Variants in WDR62 observed in about 807,000 individuals in gnomAD.
WDR62 encodes the protein WD repeat domain 62.
A neutral mutation model predicts 160.6 loss-of-function variants in WDR62; 112 were observed. The observed-to-expected ratio is 0.70, with a 90% CI of 0.60 to 0.82. The LOEUF is 0.82. Among genes scored for constraint, WDR62 ranks in the 40% least tolerant of loss-of-function variants. The pLI is 0.00. For missense variants in WDR62, 1,819 were observed against 1,983.8 expected (o/e 0.92, Z 1.58); for synonymous variants, 792 against 815.1 (o/e 0.97, Z 0.48).
rs17777328 is a variant in WDR62 at position 36,100,529 on chromosome 19, G to C, written c.2740-219G>C. 0.13 allele frequency among the ~76,000 whole-genome samples: 19,749 copies of C among 152,238 alleles called. 1,598 individuals are homozygous for C. Among genetic ancestry groups the C allele is most frequent in the East Asian group, 0.3 (1,531 of 5,182 alleles). Reference sequence around the variant, plus strand: ...TGAACTTGATATAAATAGACACGTAGAGGGTTGGGCCTCCTATTTTTGGTG... The same window carrying C: ...TGAACTTGATATAAATAGACACGTACAGGGTTGGGCCTCCTATTTTTGGTG... On this transcript the variant is annotated intron_variant, in intron 22 of 31. Coordinates refer to ENST00000401500, the MANE Select transcript of WDR62 (RefSeq NM_001083961.2).
At chr19:36,079,356 G>A (rs950129374) in intron 9 of WDR62, among the ~76,000 whole-genome samples, 2 of 152,202 alleles carry the variant, frequency 1.3e-5, no homozygotes, top group African/African-American at 4.8e-5. Flanking sequence ...TGGGATTGCA[G>A]GCTTCTGTTA....
chr19:36,074,031 G>A (rs756521996), intron 9 of WDR62: 17 of 321,576 alleles, frequency 5.3e-5, no homozygotes, highest in Middle Eastern at 1.1e-3. Context: ...GGGCATGGTG[G>A]CTCACACCTG....
Position 36,058,781 on chromosome 19 carries a change from T to C in WDR62, c.179T>C (p.Val60Ala), listed in dbSNP as rs1188945200. 2 of 1,613,998 alleles carry C rather than the reference T, an allele frequency of 1.2e-6. No individual in the cohort carries two copies. Among genetic ancestry groups the C allele is most frequent in the Non-Finnish European group, 1.7e-6 (2 of 1,179,906 alleles). Reference protein sequence around the residue: ...TASEETVQNRVSLEKVLGITA... With the variant: ...TASEETVQNRASLEKVLGITA... ...CTGACTTGGGCTTTTTCTTTGCAGG[T>C]GTCACTCGAGAAGGTGCTTGGCATC... Residue 60 changes from valine to alanine, a missense_variant and splice_region_variant, in exon 2 of 32, where the codon GTG (valine) becomes GCG (alanine). Physicochemically the swap from Val to Ala is moderately conservative, Grantham distance 64. Around this residue, in one of 3 missense-constraint regions of WDR62, gnomAD observed 115 missense variants for 92.4 expected, o/e 1.24. Coordinates refer to ENST00000401500, the MANE Select transcript of WDR62 (RefSeq NM_001083961.2).
chr19:36,066,103 T>C, intron 4 of WDR62, 88 bp downstream of exon 4: 1 of 1,573,756 alleles, frequency 6.4e-7, no homozygotes, highest in South Asian at 1.1e-5. Flanking sequence ...TGGGAGTCCC[T>C]GGAATAGCTC....
intron 19 of WDR62, 93 bp downstream of exon 19, chr19:36,092,904 C>T (rs1008506596): frequency 6.3e-7 from 1 of 1,589,702 alleles, no homozygotes. Flanking sequence ...CCAAGACAGC[C>T]CTAGGCCCTG....
Position 36,099,625 on chromosome 19 carries a change from C to G in WDR62, c.2739+8C>G. The G allele has an allele frequency of 1.2e-5, 19 of 1,613,856 alleles. No homozygotes were observed. The highest frequency in any genetic ancestry group is 1.6e-5 in the Non-Finnish European group (19 of 1,179,936). On this transcript the variant is annotated splice_region_variant and intron_variant, in intron 22 of 31. Transcript: ENST00000401500. ...GCCAGCCTGCTGAGTGAGGTACACACTTCCACCGCAGCCTGGCCCATAGCC... is the reference window on the plus strand; with the variant it reads ...GCCAGCCTGCTGAGTGAGGTACACAGTTCCACCGCAGCCTGGCCCATAGCC...
chr19:36,087,335 T>C (rs1206987861), intron 13 of WDR62, among the ~76,000 whole-genome samples: 1 of 151,420 alleles, frequency 6.6e-6, no homozygotes, highest in Non-Finnish European at 1.5e-5. Flanking sequence ...TGAAACCCCA[T>C]CTCTACTAAA....
At chr19:36,106,394 C>T (rs1973713690), downstream of WDR62, among the ~76,000 whole-genome samples, 1 of 151,448 alleles carries the variant, frequency 6.6e-6, no homozygotes. Context: ...CCTGCCAGTT[C>T]CCACCCAGGT....
chr19:36,067,197 A>G, intron 5 of WDR62, 109 bp from the exon 6 acceptor site: 1 of 1,481,424 alleles, frequency 6.8e-7, no homozygotes, highest in South Asian at 1.1e-5. Flanking sequence ...GGTCCCAGGA[A>G]GACAGACTTG....
intron 9 of WDR62, among the ~76,000 whole-genome samples, chr19:36,078,218 G>A (rs139350054): frequency 4.0e-5 from 6 of 150,468 alleles, no homozygotes; most frequent in Admixed American, 6.6e-5. Context: ...TATGATCTCC[G>A]CTCACTGCAA....
intron 6 of WDR62, 74 bp downstream of exon 6, chr19:36,067,517 C>T: frequency 1.2e-6 from 2 of 1,603,532 alleles, no homozygotes; most frequent in East Asian, 2.2e-5. Context: ...TCTCCTGTTT[C>T]TCCCTGAGAT....
chr19:36,111,032 G>A, the WDR62 span: 4 of 629,282 alleles, frequency 6.4e-6, no homozygotes, highest in Non-Finnish European at 1.1e-5. Context: ...CCCAGGCAGG[G>A]GTAACCTGAG....
At chr19:36,080,276 T>C (rs1172154506) in intron 9 of WDR62, among the ~76,000 whole-genome samples, 1 of 148,310 alleles carries the variant, frequency 6.7e-6, no homozygotes. Context: ...CCCGGCTAAT[T>C]TTTTGTATTT....
At chr19:36,101,088 C>A in intron 23 of WDR62, 126 bp from the exon 24 acceptor site, 1 of 1,158,990 alleles carries the variant, frequency 8.6e-7, no homozygotes, top group Non-Finnish European at 1.3e-6. Flanking sequence ...TTGGAGGAGG[C>A]GGGGAGGCTG....
intron 16 of WDR62, 135 bp from the exon 17 acceptor site, chr19:36,091,065 C>T (rs534338603): frequency 6.8e-6 from 5 of 736,960 alleles, no homozygotes; most frequent in South Asian, 3.0e-5. Flanking sequence ...CTTCACGTGT[C>T]GAATGGGAGC....
At chr19:36,061,284 T>G (rs958673156) in intron 3 of WDR62, 2 of 152,230 alleles carry the variant, frequency 1.3e-5, no homozygotes, top group Non-Finnish European at 1.5e-5. Flanking sequence ...AAGCGTCTAT[T>G]CACTGTGGAA....
At chr19:36,079,906 A>C (rs1407145527) in intron 9 of WDR62, among the ~76,000 whole-genome samples, 1 of 151,944 alleles carries the variant, frequency 6.6e-6, no homozygotes, top group African/African-American at 2.4e-5. Flanking sequence ...TGTTTTTCTT[A>C]TGTCGAGATT....
intron 21 of WDR62, among the ~76,000 whole-genome samples, chr19:36,097,359 A>T (rs1973036277): frequency 6.6e-6 from 1 of 152,242 alleles, no homozygotes; most frequent in African/African-American, 2.4e-5. Context: ...CCCATTAAAT[A>T]AGTAAATGAC....
chr19:36,073,516 C>T lies in WDR62; in HGVS notation c.1218C>T (p.Tyr406=), dbSNP rs766269117. ...GGTCAGAGCTCTTCCACAGCTCCTA[C>T]GTTTGGAACGTGGAGGTGAGCCCCC... ...KVWSELFHSS[Y]VWNVEVYPEF... Residue 406 remains tyrosine, a synonymous_variant, in exon 9 of 32, where the codon TAC becomes TAT. Coordinates refer to ENST00000401500, the MANE Select transcript of WDR62 (RefSeq NM_001083961.2). 1.5e-5 allele frequency: 25 copies of T among 1,613,578 alleles called. No individual in the cohort carries two copies. Among genetic ancestry groups the T allele is most frequent in the East Asian group, 2.2e-5 (1 of 44,864 alleles).
Sources: gnomAD v4.1 joint callset for allele counts (sites outside exome capture counted in the v4.1 genomes callset) on GRCh38, gnomAD v4.1.1 for gene constraint, gnomAD v4.1.1 regional missense constraint, MANE v1.5 for transcripts, NCBI Gene and HGNC (gene_info 2026-07-23, HGNC 2026-07-21) for gene names.